PLEKHA5: variants seen among roughly 807,000 people sequenced by gnomAD.
The protein encoded by PLEKHA5 is pleckstrin homology domain containing A5, also known as pleckstrin homology domain-containing family A member 5.
In PLEKHA5, 55 loss-of-function variants were observed where a neutral mutation model predicts 181.9. The ratio of observed to expected loss-of-function variants is 0.30; its 90% CI spans 0.24 to 0.38. The LOEUF (loss-of-function observed/expected upper bound fraction) is 0.38. PLEKHA5 is among the 10% of genes least tolerant of loss of function. The pLI is 1.00. For missense variants in PLEKHA5, 1,432 were observed against 1,549.5 expected (o/e 0.92, Z 1.27); for synonymous variants, 535 against 529.4 (o/e 1.01, Z -0.15).
intron 3 of PLEKHA5, among the ~76,000 whole-genome samples, chr12:19,197,473 G>A (rs1047963232): frequency 2.0e-5 from 3 of 151,822 alleles, no homozygotes; most frequent in African/African-American, 4.8e-5. Flanking sequence ...ATTTCACTAC[G>A]GTAACCACAC....
intron 13 of PLEKHA5, among the ~76,000 whole-genome samples, chr12:19,290,278 T>C (rs1189293631): frequency 6.6e-6 from 1 of 152,250 alleles, no homozygotes; most frequent in Non-Finnish European, 1.5e-5. Flanking sequence ...AAGTTGGACA[T>C]GCAGGTATTT....
chr12:19,358,399 C>G lies in PLEKHA5; in HGVS notation c.3310C>G (p.Pro1104Ala). ...GASDQSPLQS[P>A]SNLRDNPFRT... ...TTCAGACCAGTCACCCTTACAAAGCCCTTCAAATTTAAGGGATAATCCATT... is the reference window on the plus strand; with the variant it reads ...TTCAGACCAGTCACCCTTACAAAGCGCTTCAAATTTAAGGGATAATCCATT... The change falls in exon 27 of 32, where the codon CCT (proline) becomes GCT (alanine). Residue 1104 changes from proline (P) to alanine (A), a missense_variant. Physicochemically the swap from Pro to Ala is conservative, Grantham distance 27. This residue lies in a region of PLEKHA5 where 1,143 missense variants were observed against 1,168.4 expected (regional missense o/e 0.98). Coordinates refer to ENST00000429027, the MANE Select transcript of PLEKHA5 (RefSeq NM_001256470.2). 1 of 1,613,210 alleles carries G rather than the reference C, an allele frequency of 6.2e-7. No homozygotes were observed. Among genetic ancestry groups the G allele is most frequent in the Non-Finnish European group, 8.5e-7 (1 of 1,179,536 alleles).
intron 22 of PLEKHA5, among the ~76,000 whole-genome samples, chr12:19,345,170 C>T (rs10770477): frequency 0.75 from 113,411 of 151,290 alleles, 45,514 homozygotes; most frequent in Non-Finnish European, 0.92. Context: ...GAGGCCAAGG[C>T]GGGCAGATCA....
chr12:19,165,774 A>G lies in PLEKHA5; in HGVS notation c.227+33324A>G, dbSNP rs139028145. On this transcript the variant is annotated intron_variant, in intron 3 of 31. Coordinates refer to ENST00000429027, the MANE Select transcript of PLEKHA5 (RefSeq NM_001256470.2). ...AAAACCTCTGTATTTTGGTCTAACT[A>G]TCAAATGGCCAGACCACTTTGGGGG... 1.4e-3 allele frequency among the ~76,000 whole-genome samples: 218 copies of G among 152,258 alleles called. 1 individual carries two copies. The highest frequency in any genetic ancestry group is 2.5e-3 in the South Asian group (12 of 4,826).
intron 13 of PLEKHA5, among the ~76,000 whole-genome samples, chr12:19,288,526 G>A (rs532896205): frequency 1.3e-5 from 2 of 152,282 alleles, no homozygotes; most frequent in African/African-American, 2.4e-5. Flanking sequence ...TGTGATTTTA[G>A]CACCTGTGTG....
intron 3 of PLEKHA5, among the ~76,000 whole-genome samples, chr12:19,139,849 T>G (rs1030048642): frequency 4.6e-5 from 7 of 152,178 alleles, no homozygotes; most frequent in Admixed American, 1.3e-4. Context: ...GGTCTTGAGA[T>G]TGGACCACAA....
chr12:19,245,474 C>G (rs1835321), intron 3 of PLEKHA5, among the ~76,000 whole-genome samples: 5 of 151,584 alleles, frequency 3.3e-5, no homozygotes, highest in Non-Finnish European at 4.4e-5. Context: ...AGAAAGATGG[C>G]CAGGGAGATT....
intron 3 of PLEKHA5, among the ~76,000 whole-genome samples, chr12:19,181,014 A>G (rs756510227): frequency 1.4e-5 from 2 of 145,942 alleles, no homozygotes; most frequent in East Asian, 2.0e-4. Flanking sequence ...TATGTTTCAC[A>G]TGGATAGGCA....
At chr12:19,357,412 A>C (rs2095004079) in intron 26 of PLEKHA5, among the ~76,000 whole-genome samples, 1 of 150,196 alleles carries the variant, frequency 6.7e-6, no homozygotes, top group Admixed American at 6.6e-5. Context: ...GCCTGGCTAA[A>C]TTTTTTGTAC....
In PLEKHA5 at chr12:19,253,893, A is replaced by G. The variant is rs1464810713; in HGVS notation, c.228-47A>G. The G allele has an allele frequency of 2.9e-6, 3 of 1,045,902 alleles. No homozygotes were observed. In the South Asian group the frequency reaches 4.0e-5, roughly 14 times the overall value. The allele number at this position is 1,045,902 out of a possible 1,614,324, so 64.8% of individuals were successfully genotyped here. A position where few individuals can be genotyped will look rare whatever the true frequency, so the allele number is the denominator to read the frequency against. ...ACTAATGTTACAATAAATAAATGGG[A>G]ATTTTAAATACCTGCATGTTCTGTT... On this transcript the variant is annotated intron_variant, in intron 3 of 31. Coordinates refer to ENST00000429027, the MANE Select transcript of PLEKHA5 (RefSeq NM_001256470.2).
chr12:19,338,356 A>T (rs922772503), intron 21 of PLEKHA5, among the ~76,000 whole-genome samples: 4 of 151,928 alleles, frequency 2.6e-5, no homozygotes, highest in African/African-American at 9.7e-5. Flanking sequence ...ACATTGGCTC[A>T]TGCCTGTAAT....
chr12:19,154,774 TATA>T (rs1365929869), intron 3 of PLEKHA5: 4 of 152,234 alleles, frequency 2.6e-5, no homozygotes, highest in Non-Finnish European at 4.4e-5. Flanking sequence ...TGATTTAAAA[TATA>T]ATGTTATCTT....
intron 20 of PLEKHA5, among the ~76,000 whole-genome samples, chr12:19,336,238 C>A (rs1174181159): frequency 6.6e-6 from 1 of 152,142 alleles, no homozygotes; most frequent in Non-Finnish European, 1.5e-5. Flanking sequence ...AAACTATTTC[C>A]ATTCATGGAG....
At chr12:19,303,126 T>C (rs1473291326) in intron 15 of PLEKHA5, among the ~76,000 whole-genome samples, 1 of 151,822 alleles carries the variant, frequency 6.6e-6, no homozygotes, top group Non-Finnish European at 1.5e-5. Flanking sequence ...TTCACCATGT[T>C]GGCCAGGCTG....
chr12:19,305,861 C>A (rs201933701), intron 15 of PLEKHA5, among the ~76,000 whole-genome samples: 13 of 37,886 alleles, frequency 3.4e-4, no homozygotes, highest in South Asian at 1.5e-3. Flanking sequence ...AACTCCATCT[C>A]AAAAAAAAAA....
At chr12:19,354,819 A>C (rs569741208) in intron 26 of PLEKHA5, among the ~76,000 whole-genome samples, 4 of 152,318 alleles carry the variant, frequency 2.6e-5, no homozygotes, top group African/African-American at 7.2e-5. Flanking sequence ...GTCAGAGGAC[A>C]GACCTAGTCA....
At chr12:19,290,173 CGCCTCCCTCA>C (rs2152839581) in intron 13 of PLEKHA5, among the ~76,000 whole-genome samples, 1 of 152,062 alleles carries the variant, frequency 6.6e-6, no homozygotes, top group South Asian at 2.1e-4. Flanking sequence ...CCTTGTGATC[CGCCTCCCTCA>C]GCCTCCCAAA....
chr12:19,374,114 G>T (rs1227441607), intron 31 of PLEKHA5, among the ~76,000 whole-genome samples: 1 of 152,098 alleles, frequency 6.6e-6, no homozygotes, highest in African/African-American at 2.4e-5. Flanking sequence ...GTTTTGGCAG[G>T]ATTTAGGAAA....
chr12:19,190,549 ATATAGT>A (rs1223597139), intron 3 of PLEKHA5, among the ~76,000 whole-genome samples: 5 of 152,238 alleles, frequency 3.3e-5, no homozygotes, highest in Non-Finnish European at 7.3e-5. Context: ...TTAGTAGGAA[ATATAGT>A]TATTGCTTGG....
Sources: gnomAD v4.1 joint callset for allele counts (sites outside exome capture counted in the v4.1 genomes callset) on GRCh38, gnomAD v4.1.1 for gene constraint, gnomAD v4.1.1 regional missense constraint, MANE v1.5 for transcripts, NCBI Gene and HGNC (gene_info 2026-07-23, HGNC 2026-07-21) for gene names.